Variants in CSTPP1 observed in about 807,000 individuals in gnomAD.
The protein encoded by CSTPP1 is UPF0705 protein C11orf49.
At chr11:47,080,472 CTATT>C in the CSTPP1 span, among the ~76,000 whole-genome samples, 2 of 152,018 alleles carry the variant, frequency 1.3e-5, no homozygotes, top group African/African-American at 2.4e-5. Context: ...AATAATTTCA[CTATT>C]TACTCTTTGC....
the CSTPP1 span, among the ~76,000 whole-genome samples, chr11:46,990,604 T>A: frequency 6.6e-6 from 1 of 152,214 alleles, no homozygotes; most frequent in African/African-American, 2.4e-5. Flanking sequence ...TGATAGTTTC[T>A]TTTGCTGTGC....
chr11:47,047,809 TCAA>T, the CSTPP1 span, among the ~76,000 whole-genome samples: 1 of 152,108 alleles, frequency 6.6e-6, no homozygotes, highest in Non-Finnish European at 1.5e-5. Context: ...CTCCTGCAAC[TCAA>T]CAACAACAAA....
chr11:46,994,776 T>A, the CSTPP1 span, among the ~76,000 whole-genome samples: 1 of 152,258 alleles, frequency 6.6e-6, no homozygotes, highest in Non-Finnish European at 1.5e-5. Context: ...GGTATCAGGA[T>A]GATGCTGGCC....
chr11:47,125,632 T>G, the CSTPP1 span, among the ~76,000 whole-genome samples: 1 of 152,270 alleles, frequency 6.6e-6, no homozygotes, highest in African/African-American at 2.4e-5. Context: ...TTTTGTTTTC[T>G]GTGGCTTGCT....
At chr11:47,063,737 T>G in the CSTPP1 span, among the ~76,000 whole-genome samples, 2 of 152,244 alleles carry the variant, frequency 1.3e-5, no homozygotes, top group Non-Finnish European at 2.9e-5. Flanking sequence ...TGATGGCCAC[T>G]TGGGTTGTTT....
the CSTPP1 span, among the ~76,000 whole-genome samples, chr11:47,148,204 C>CT: frequency 1.3e-5 from 2 of 152,132 alleles, no homozygotes; most frequent in Non-Finnish European, 2.9e-5. Flanking sequence ...GTCATCGCTG[C>CT]TTCTCTCATG....
the CSTPP1 span, chr11:47,161,944 GTCTCT>G: frequency 8.9e-7 from 1 of 1,117,696 alleles, no homozygotes; most frequent in Non-Finnish European, 1.1e-6. Flanking sequence ...CTTAAGAGCA[GTCTCT>G]TCTGAGCCAG....
the CSTPP1 span, among the ~76,000 whole-genome samples, chr11:46,963,174 G>A: frequency 6.6e-6 from 1 of 152,092 alleles, no homozygotes; most frequent in African/African-American, 2.4e-5. Flanking sequence ...ATTGGCAAAA[G>A]TGGACATCTT....
the CSTPP1 span, chr11:47,157,902 G>A: frequency 1.1e-5 from 17 of 1,613,834 alleles, no homozygotes; most frequent in East Asian, 1.3e-4. Flanking sequence ...TCAAAGCACC[G>A]TGGAATCAAC....
the CSTPP1 span, among the ~76,000 whole-genome samples, chr11:47,109,625 C>T: frequency 1.3e-5 from 2 of 152,102 alleles, no homozygotes; most frequent in Non-Finnish European, 2.9e-5. Context: ...AACAGTGCTG[C>T]GATTTGGACA....
chr11:46,937,144 T>C, the CSTPP1 span, among the ~76,000 whole-genome samples: 1 of 152,258 alleles, frequency 6.6e-6, no homozygotes, highest in African/African-American at 2.4e-5. Flanking sequence ...ATTATTGATA[T>C]GCTGGTAGTG....
chr11:47,152,908 C>T, the CSTPP1 span, among the ~76,000 whole-genome samples: 1 of 152,118 alleles, frequency 6.6e-6, no homozygotes, highest in Non-Finnish European at 1.5e-5. Flanking sequence ...GGGGCTCCAG[C>T]TGTCCTGAGA....
chr11:47,075,325 C>T, the CSTPP1 span, among the ~76,000 whole-genome samples: 1 of 151,916 alleles, frequency 6.6e-6, no homozygotes, highest in African/African-American at 2.4e-5. Flanking sequence ...GAGCCGAGAT[C>T]GCAGCACTGC....
chr11:46,955,011 A>G, the CSTPP1 span, among the ~76,000 whole-genome samples: 1 of 152,210 alleles, frequency 6.6e-6, no homozygotes, highest in Non-Finnish European at 1.5e-5. Context: ...CCTGCAGTTC[A>G]GGAATGAGGG....
the CSTPP1 span, among the ~76,000 whole-genome samples, chr11:46,973,236 G>C: frequency 6.6e-6 from 1 of 152,100 alleles, no homozygotes; most frequent in Admixed American, 6.6e-5. Flanking sequence ...TCCTATCCTA[G>C]CATGCGCTAA....
the CSTPP1 span, among the ~76,000 whole-genome samples, chr11:47,020,332 A>C: frequency 6.6e-6 from 1 of 152,216 alleles, no homozygotes; most frequent in African/African-American, 2.4e-5. Flanking sequence ...TAATGTATTT[A>C]TTTGAGTCTT....
the CSTPP1 span, chr11:47,137,555 G>A: frequency 1.2e-6 from 2 of 1,601,298 alleles, no homozygotes; most frequent in Non-Finnish European, 8.5e-7. Flanking sequence ...GCTCTACCAA[G>A]ACCAGGTCTG....
At chr11:47,148,893 A>G in the CSTPP1 span, among the ~76,000 whole-genome samples, 1 of 152,222 alleles carries the variant, frequency 6.6e-6, no homozygotes, top group Non-Finnish European at 1.5e-5. Context: ...CAACTAATCC[A>G]GAACTTCAGG....
At chr11:47,063,458 A>G in the CSTPP1 span, among the ~76,000 whole-genome samples, 3 of 152,188 alleles carry the variant, frequency 2.0e-5, no homozygotes, top group African/African-American at 7.2e-5. Context: ...ACCGAAACTC[A>G]GTAGCCATTA....
Sources: gnomAD v4.1 joint callset for allele counts (sites outside exome capture counted in the v4.1 genomes callset) on GRCh38, gnomAD v4.1.1 for gene constraint, MANE v1.5 for transcripts, NCBI Gene and HGNC (gene_info 2026-07-23, HGNC 2026-07-21) for gene names.